HDAC9: variants seen among roughly 807,000 people sequenced by gnomAD.
HDAC9 encodes MEF-2 interacting transcription repressor (MITR) protein.
Under a neutral mutation model 139.4 loss-of-function variants are expected in HDAC9, and 41 were observed. That is an observed-to-expected ratio of 0.29 (90% CI 0.23 to 0.38). The LOEUF (loss-of-function observed/expected upper bound fraction) is 0.38, where lower values mean the gene tolerates loss of function less well. HDAC9 is among the 10% of genes least tolerant of loss of function. The pLI is 1.00. For synonymous variants in HDAC9, 517 were observed against 476.2 expected (o/e 1.09, Z -1.12); for missense variants, 1,147 against 1,297.0 (o/e 0.88, Z 1.78).
chr7:18,407,265 C>T (rs1387442505), intron 1 of HDAC9, among the ~76,000 whole-genome samples: 2 of 152,174 alleles, frequency 1.3e-5, no homozygotes, highest in Non-Finnish European at 2.9e-5. Flanking sequence ...CTCCTGAATG[C>T]TATCCGATGA....
chr7:18,648,410 ATGTGTGTGTGTG>A (rs145105320), intron 10 of HDAC9, 44 bp from the exon 11 acceptor site: 4 of 1,056,948 alleles, frequency 3.8e-6, no homozygotes, highest in Non-Finnish European at 5.8e-6. Flanking sequence ...GTGTGTGTGT[ATGTGTGTGTGTG>A]TGTGTGTGTG....
At chr7:18,686,905 A>T (rs552277230) in intron 12 of HDAC9, among the ~76,000 whole-genome samples, 2 of 151,876 alleles carry the variant, frequency 1.3e-5, no homozygotes, top group African/African-American at 4.8e-5. Flanking sequence ...TGTGCAAGGC[A>T]TTATTTTAAA....
Position 18,657,232 on chromosome 7 carries a change from C to T in HDAC9, c.1467+8549C>T, listed in dbSNP as rs574089244. On this transcript the variant is annotated intron_variant, in intron 11 of 25. Transcript: ENST00000686413. ...TTTTCTCCCATCCTGTGGGTTTTAG[C>T]TTCATTTTGCTGATTGTTTCCTTTG... 2.0e-5 allele frequency among the ~76,000 whole-genome samples: 3 copies of T among 152,162 alleles called. No homozygotes were observed. In the South Asian group the frequency reaches 6.2e-4, roughly 32 times the overall value.
intron 14 of HDAC9, among the ~76,000 whole-genome samples, chr7:18,761,603 A>G (rs1049573937): frequency 6.6e-6 from 1 of 152,190 alleles, no homozygotes. Flanking sequence ...CCATTAATAA[A>G]CAGATATTGA....
chr7:18,928,710 T>C (rs528099377), intron 22 of HDAC9, among the ~76,000 whole-genome samples: 2 of 152,286 alleles, frequency 1.3e-5, no homozygotes, highest in African/African-American at 4.8e-5. Context: ...AATGATTTTG[T>C]TTTATTTAGA....
intron 1 of HDAC9, among the ~76,000 whole-genome samples, chr7:18,443,043 G>T (rs555798395): frequency 4.6e-5 from 7 of 152,234 alleles, no homozygotes; most frequent in East Asian, 1.9e-4. Context: ...ATTTGCTAGG[G>T]TATCATAAAC....
At chr7:18,157,895 A>G (rs887335265) in intron 1 of HDAC9, among the ~76,000 whole-genome samples, 1 of 151,382 alleles carries the variant, frequency 6.6e-6, no homozygotes, top group African/African-American at 2.4e-5. Flanking sequence ...GTGTTGGCAC[A>G]GTAAGCATTT....
In HDAC9 at chr7:18,599,060, C is replaced by T. The variant is rs530430231; in HGVS notation, c.664+5031C>T. 3.3e-4 allele frequency among the ~76,000 whole-genome samples: 51 copies of T among 152,284 alleles called. 1 individual carries two copies. In the South Asian group the frequency reaches 9.3e-3, roughly 28 times the overall value. ...CAGCAGGCTTGTTTTTGTTGTTCAT[C>T]GTAGGAGGAAGTCTGATTGATGTTC... is the stretch of plus-strand genomic sequence containing the variant. On this transcript the variant is annotated intron_variant, in intron 6 of 25. Coordinates refer to ENST00000686413, the MANE Select transcript of HDAC9 (RefSeq NM_178425.4).
chr7:18,709,819 G>A (rs1784215367), intron 12 of HDAC9, among the ~76,000 whole-genome samples: 1 of 152,112 alleles, frequency 6.6e-6, no homozygotes, highest in Non-Finnish European at 1.5e-5. Flanking sequence ...TCACAGACAT[G>A]AGCCATGACA....
At chr7:18,127,033 G>T (rs1190768276) in intron 1 of HDAC9, among the ~76,000 whole-genome samples, 1 of 152,086 alleles carries the variant, frequency 6.6e-6, no homozygotes, top group Admixed American at 6.6e-5. Context: ...TCTAATTTTG[G>T]TTTTGCAGCA....
intron 1 of HDAC9, among the ~76,000 whole-genome samples, chr7:18,441,223 T>A (rs1791724405): frequency 1.3e-5 from 2 of 152,362 alleles, no homozygotes; most frequent in East Asian, 3.9e-4. Flanking sequence ...AGCTCTTTTA[T>A]ATCCAGTGCT....
chr7:18,851,594 C>T (rs1270696211), intron 21 of HDAC9: 1 of 152,186 alleles, frequency 6.6e-6, no homozygotes, highest in Non-Finnish European at 1.5e-5. Flanking sequence ...CGTATTACCT[C>T]TTAGTAATTA....
intron 5 of HDAC9, among the ~76,000 whole-genome samples, chr7:18,592,504 A>T (rs911800456): frequency 5.3e-5 from 8 of 152,126 alleles, no homozygotes; most frequent in South Asian, 2.1e-4. Flanking sequence ...AAATGACCAT[A>T]TATTTTTACA....
At chr7:18,827,326 G>T (rs1795526599) in intron 17 of HDAC9, among the ~76,000 whole-genome samples, 2 of 151,878 alleles carry the variant, frequency 1.3e-5, no homozygotes, top group Non-Finnish European at 2.9e-5. Flanking sequence ...AATTGCTTGT[G>T]TACATAGTTA....
intron 12 of HDAC9, among the ~76,000 whole-genome samples, chr7:18,701,152 T>TAA (rs5882668): frequency 1.4e-5 from 2 of 146,214 alleles, no homozygotes; most frequent in Non-Finnish European, 1.5e-5. Flanking sequence ...AACTTGTTCA[T>TAA]AAAAAAAAAA....
At chr7:18,582,899 G>A (rs111258636) in intron 2 of HDAC9, among the ~76,000 whole-genome samples, 25 of 152,160 alleles carry the variant, frequency 1.6e-4, no homozygotes, top group African/African-American at 5.8e-4. Flanking sequence ...TTGGTCATAC[G>A]CTTAGCCTAT....
At chr7:18,570,404 G>T (rs1408120572) in intron 2 of HDAC9, among the ~76,000 whole-genome samples, 1 of 151,968 alleles carries the variant, frequency 6.6e-6, no homozygotes, top group African/African-American at 2.4e-5. Context: ...TATCTCTGTG[G>T]AATATATTGA....
intron 25 of HDAC9, among the ~76,000 whole-genome samples, chr7:18,991,457 G>A (rs1229327434): frequency 6.6e-6 from 1 of 152,120 alleles, no homozygotes; most frequent in Admixed American, 6.5e-5. Flanking sequence ...CTAACACGGT[G>A]AAACCCTGTC....
intron 6 of HDAC9, among the ~76,000 whole-genome samples, chr7:18,616,612 A>T (rs1316552381): frequency 1.3e-5 from 2 of 152,244 alleles, no homozygotes; most frequent in Non-Finnish European, 2.9e-5. Context: ...GTAGAATTGA[A>T]TTACCAATAA....
Sources: gnomAD v4.1 joint callset for allele counts (sites outside exome capture counted in the v4.1 genomes callset) on GRCh38, gnomAD v4.1.1 for gene constraint, MANE v1.5 for transcripts, NCBI Gene and HGNC (gene_info 2026-07-23, HGNC 2026-07-21) for gene names.